Variants in DNAAF9 observed in about 807,000 individuals in gnomAD.
DNAAF9 encodes dynein axonemal assembly factor 9.
DNAAF9 carries 90 observed loss-of-function variants against 167.0 expected under a neutral mutation model. That is an observed-to-expected ratio of 0.54 (90% CI 0.45 to 0.64). DNAAF9 has a LOEUF of 0.64. DNAAF9 is among the 30% of genes least tolerant of loss of function. The probability of loss-of-function intolerance (pLI) is 0.00; values close to 1 mark genes in which losing one functional copy is unlikely to be tolerated. For synonymous variants in DNAAF9, 491 were observed against 508.8 expected (o/e 0.96, Z 0.47); for missense variants, 1,315 against 1,442.2 (o/e 0.91, Z 1.43).
chr20:3,382,531 C>T, intron 1 of DNAAF9, 25 bp from the exon 2 acceptor site: 2 of 1,598,646 alleles, frequency 1.3e-6, no homozygotes, highest in Non-Finnish European at 1.7e-6. Flanking sequence ...GAAAATGGTC[C>T]CCTGAGTGCC....
In DNAAF9 at chr20:3,256,081, C is replaced by T. The variant is rs369655093; in HGVS notation, c.3186G>A (p.Glu1062=). 20 of 1,614,066 alleles carry T rather than the reference C, an allele frequency of 1.2e-5. No homozygotes were observed. The highest frequency in any genetic ancestry group is 5.3e-5 in the African/African-American group (4 of 74,940). The part of the protein sequence containing the change: ...SVSQDSSGQQ[E]CYLVFIGCSL... Reference sequence around the variant, plus strand: ...AGCAGCCGATGAACACAAGGTAGCACTCCTGCTGCCCGCTGCTGTCTTGAG... The same window carrying T: ...AGCAGCCGATGAACACAAGGTAGCATTCCTGCTGCCCGCTGCTGTCTTGAG... Residue 1062 remains glutamate, a synonymous_variant, in exon 34 of 37, where the codon GAG becomes GAA. Coordinates refer to ENST00000252032, the MANE Select transcript of DNAAF9 (RefSeq NM_001009984.3).
intron 6 of DNAAF9, among the ~76,000 whole-genome samples, chr20:3,364,885 C>T (rs369208512): frequency 6.6e-6 from 1 of 151,686 alleles, no homozygotes; most frequent in African/African-American, 2.4e-5. Flanking sequence ...CTCCCTTCCC[C>T]TCCCCTTCCT....
chr20:3,373,984 T>C (rs2083543544), intron 6 of DNAAF9, 64 bp downstream of exon 6: 2 of 985,398 alleles, frequency 2.0e-6, no homozygotes, highest in Non-Finnish European at 3.3e-6. Flanking sequence ...CACACTCACA[T>C]GGGTTCTTCA....
chr20:3,394,949 CTTTTTTTTTTTTTTTTTT>C (rs10522445), intron 1 of DNAAF9, among the ~76,000 whole-genome samples: 19 of 102,138 alleles, frequency 1.9e-4, no homozygotes, highest in East Asian at 3.1e-4. Context: ...TTTCTTTTTT[CTTTTTTTTTTTTTTTTTT>C]TTTTTTTTTT....
intron 3 of DNAAF9, among the ~76,000 whole-genome samples, chr20:3,377,102 A>G (rs568756760): frequency 2.0e-5 from 3 of 152,296 alleles, no homozygotes; most frequent in South Asian, 4.1e-4. Context: ...ACAGACCTGG[A>G]ATCAACAGAA....
chr20:3,283,249 T>G (rs1191961743), intron 27 of DNAAF9, among the ~76,000 whole-genome samples: 1 of 152,226 alleles, frequency 6.6e-6, no homozygotes, highest in Non-Finnish European at 1.5e-5. Context: ...CCTGAGCCCT[T>G]TGGAAGCCAG....
At chr20:3,287,339 G>C (rs1413654790) in intron 27 of DNAAF9, among the ~76,000 whole-genome samples, 1 of 152,180 alleles carries the variant, frequency 6.6e-6, no homozygotes, top group African/African-American at 2.4e-5. Context: ...AAGACTTAGG[G>C]ACCACTACTG....
At chr20:3,274,778 G>C (rs565552325) in intron 29 of DNAAF9, among the ~76,000 whole-genome samples, 1 of 152,186 alleles carries the variant, frequency 6.6e-6, no homozygotes, top group Non-Finnish European at 1.5e-5. Flanking sequence ...ACTTCTCCCT[G>C]TACATAGAGG....
intron 31 of DNAAF9, among the ~76,000 whole-genome samples, chr20:3,263,680 TGTTCA>T (rs1442132719): frequency 6.6e-6 from 1 of 152,210 alleles, no homozygotes; most frequent in Non-Finnish European, 1.5e-5. Context: ...ACAACAGCAC[TGTTCA>T]ACAGAGCCTT....
Position 3,381,430 on chromosome 20 carries a change from G to T in DNAAF9, c.232C>A (p.Gln78Lys). 1 of 1,612,052 alleles carries T rather than the reference G, an allele frequency of 6.2e-7. No homozygotes were observed. The highest frequency in any genetic ancestry group is 8.5e-7 in the Non-Finnish European group (1 of 1,178,356). The change falls in exon 3 of 37, where the codon CAG becomes AAG. Residue 78 changes from glutamine to lysine, a missense_variant. Gln to Lys is a moderately conservative substitution (Grantham distance 53). This residue lies in a region of DNAAF9 where 981 missense variants were observed against 1,012.5 expected (regional missense o/e 0.97). Coordinates refer to ENST00000252032, the MANE Select transcript of DNAAF9 (RefSeq NM_001009984.3). ...GTTTTCTCAAAATCACTGGTATTCTGATTGTACAAACCAAATAGAAGATAA... is the reference window on the plus strand; with the variant it reads ...GTTTTCTCAAAATCACTGGTATTCTTATTGTACAAACCAAATAGAAGATAA... The part of the protein sequence containing the change: ...ANYLLFGLYN[Q>K]NTSDFEKTGF...
At chr20:3,263,014 G>T in intron 31 of DNAAF9, among the ~76,000 whole-genome samples, 1 of 116,796 alleles carries the variant, frequency 8.6e-6, no homozygotes, top group Admixed American at 1.3e-4. Context: ...TCGCTCTGTC[G>T]CCCAAGCTGG....
In DNAAF9 at chr20:3,270,446, C is replaced by G. The variant is rs372758449; in HGVS notation, c.2767G>C (p.Glu923Gln). 6.2e-7 allele frequency: 1 copy of G among 1,613,898 alleles called. No homozygotes were observed. Among genetic ancestry groups the G allele is most frequent in the African/African-American group, 1.3e-5 (1 of 74,922 alleles). The change falls in exon 30 of 37, where the codon GAA becomes CAA. Residue 923 changes from glutamate to glutamine, a missense_variant. Around this residue, in one of 2 missense-constraint regions of DNAAF9, gnomAD observed 334 missense variants for 429.7 expected, o/e 0.78. Transcript: ENST00000252032. ...GATTACCTGGTGACAATCCCATTTT[C>G]TGCAAGAATGAAGGCTGCAGCAGGA... is the stretch of plus-strand genomic sequence containing the variant. ...ANPAAAFILA[E>Q]NGIVTRNEDI...
intron 7 of DNAAF9, among the ~76,000 whole-genome samples, chr20:3,349,583 T>C (rs1219400972): frequency 6.6e-6 from 1 of 152,122 alleles, no homozygotes; most frequent in Non-Finnish European, 1.5e-5. Flanking sequence ...TTATGCCCTC[T>C]TTCTAGTAGC....
At chr20:3,275,860 G>C (rs978605542) in intron 29 of DNAAF9, among the ~76,000 whole-genome samples, 1 of 152,154 alleles carries the variant, frequency 6.6e-6, no homozygotes, top group Non-Finnish European at 1.5e-5. Flanking sequence ...TTGTCTGGCT[G>C]ACCATCCCAG....
chr20:3,295,110 C>G (rs1600724911), intron 23 of DNAAF9, among the ~76,000 whole-genome samples: 1 of 152,042 alleles, frequency 6.6e-6, no homozygotes, highest in South Asian at 2.1e-4. Context: ...ACCTCATGAT[C>G]CGCCCACCTC....
chr20:3,287,643 C>T lies in DNAAF9; in HGVS notation c.2475G>A (p.Val825=), dbSNP rs1600710206. ...CTTCCAATGCTCACCCTTGTAACAC[C>T]ACCAGCAGTCTGGTCTTCTTGCGGA... ...AYIRKKTRLL[V]VLQGYTDVID... The change falls in exon 27 of 37, where the codon GTG becomes GTA. Residue 825 remains valine (V), a synonymous_variant. Coordinates refer to ENST00000252032, the MANE Select transcript of DNAAF9 (RefSeq NM_001009984.3). 1 of 1,614,106 alleles carries T rather than the reference C, an allele frequency of 6.2e-7. No individual in the cohort carries two copies. Among genetic ancestry groups the T allele is most frequent in the Admixed American group, 1.7e-5 (1 of 60,004 alleles).
chr20:3,348,920 G>A (rs987497147), intron 7 of DNAAF9, among the ~76,000 whole-genome samples: 1 of 152,110 alleles, frequency 6.6e-6, no homozygotes, highest in African/African-American at 2.4e-5. Context: ...CTGGGGTTGG[G>A]ATGGAGACTG....
intron 7 of DNAAF9, among the ~76,000 whole-genome samples, chr20:3,358,394 C>T (rs568135582): frequency 6.6e-6 from 1 of 152,208 alleles, no homozygotes; most frequent in East Asian, 1.9e-4. Context: ...AGCGATTCTC[C>T]TGCCTCAGCC....
intron 21 of DNAAF9, among the ~76,000 whole-genome samples, chr20:3,299,244 G>A (rs2069140440): frequency 6.6e-6 from 1 of 151,892 alleles, no homozygotes; most frequent in Non-Finnish European, 1.5e-5. Flanking sequence ...TATTGTACAG[G>A]GTATAAAGTA....
Sources: allele counts gnomAD v4.1 joint callset (sites outside exome capture counted in the v4.1 genomes callset), GRCh38; gene constraint gnomAD v4.1.1; regional missense constraint gnomAD v4.1.1; transcripts MANE v1.5; gene names NCBI Gene and HGNC (gene_info 2026-07-23, HGNC 2026-07-21).